The following ALK variants were observed in gnomAD, a reference collection of about 807,000 sequenced individuals.
ALK encodes ALK tyrosine kinase receptor.
Under a neutral mutation model 163.1 loss-of-function variants are expected in ALK, and 74 were observed. The observed-to-expected ratio is 0.45, with a 90% CI of 0.38 to 0.55. ALK has a LOEUF of 0.55. Among genes scored for constraint, ALK ranks in the 20% least tolerant of loss-of-function variants. The pLI is 0.00. For synonymous variants in ALK, 960 were observed against 843.2 expected, an observed-to-expected ratio of 1.14 and a Z score of -2.40; for missense variants, 2,063 against 2,105.3, an observed-to-expected ratio of 0.98 and a Z score of 0.39.
chr2:29,891,427 A>G (rs761567445), intron 1 of ALK, among the ~76,000 whole-genome samples: 19 of 152,196 alleles, frequency 1.2e-4, no homozygotes, highest in Non-Finnish European at 2.2e-4. Flanking sequence ...TTAAATAAGC[A>G]CAATGTTGAC....
chr2:29,750,700 GC>G (rs1463042507), intron 1 of ALK, among the ~76,000 whole-genome samples: 3 of 141,828 alleles, frequency 2.1e-5, no homozygotes, highest in East Asian at 4.2e-4. Flanking sequence ...AGGAAGGAAG[GC>G]AGGCAGGCAG....
intron 3 of ALK, among the ~76,000 whole-genome samples, chr2:29,649,125 A>C (rs4666265): frequency 1.3e-5 from 2 of 151,806 alleles, no homozygotes; most frequent in Admixed American, 6.6e-5. Context: ...TAATTATATG[A>C]TATTGTGTAT....
chr2:29,384,946 G>T (rs2148302624), intron 4 of ALK, among the ~76,000 whole-genome samples: 1 of 152,176 alleles, frequency 6.6e-6, no homozygotes, highest in South Asian at 2.1e-4. Flanking sequence ...AGCTACTAGG[G>T]AGGCTGAGGC....
intron 3 of ALK, among the ~76,000 whole-genome samples, chr2:29,675,566 G>A (rs763964464): frequency 4.6e-5 from 7 of 151,968 alleles, no homozygotes; most frequent in Non-Finnish European, 8.8e-5. Context: ...TGGCCCAGGG[G>A]AACATCTTTC....
intron 4 of ALK, among the ~76,000 whole-genome samples, chr2:29,497,570 C>T (rs768310294): frequency 1.4e-4 from 21 of 152,202 alleles, no homozygotes; most frequent in Non-Finnish European, 2.8e-4. Context: ...GACCCATGCT[C>T]TGTTGCTGCT....
At chr2:29,277,927 G>A (rs1298690383) in intron 9 of ALK, among the ~76,000 whole-genome samples, 4 of 152,194 alleles carry the variant, frequency 2.6e-5, no homozygotes, top group Non-Finnish European at 4.4e-5. Flanking sequence ...AAGAGAAATC[G>A]ACATGAACGC....
chr2:29,331,148 G>A (rs563759716), intron 5 of ALK, among the ~76,000 whole-genome samples: 5 of 152,160 alleles, frequency 3.3e-5, no homozygotes, highest in Non-Finnish European at 4.4e-5. Context: ...GTGGTCCCCT[G>A]GACTATTCAT....
chr2:29,587,521 G>A (rs1674922982), intron 3 of ALK, among the ~76,000 whole-genome samples: 1 of 152,114 alleles, frequency 6.6e-6, no homozygotes. Flanking sequence ...AAAGGTCCAG[G>A]CCCCTAAAAA....
chr2:29,270,677 A>G (rs76897964), intron 11 of ALK, among the ~76,000 whole-genome samples: 7,974 of 152,244 alleles, frequency 0.052, 249 homozygotes, highest in Middle Eastern at 0.078. Flanking sequence ...TTGAGGACAC[A>G]CTTGGAGAAA....
intron 3 of ALK, among the ~76,000 whole-genome samples, chr2:29,562,587 C>T (rs1674054991): frequency 6.6e-6 from 1 of 152,154 alleles, no homozygotes; most frequent in South Asian, 2.1e-4. Context: ...CACCACACTG[C>T]ATTGGCTCAA....
chr2:29,854,745 T>A (rs1414993663), intron 1 of ALK, among the ~76,000 whole-genome samples: 1 of 152,200 alleles, frequency 6.6e-6, no homozygotes, highest in African/African-American at 2.4e-5. Flanking sequence ...TATGGCCTTA[T>A]AATAAAGCCC....
intron 3 of ALK, among the ~76,000 whole-genome samples, chr2:29,557,163 G>A (rs1184242034): frequency 3.3e-5 from 5 of 152,078 alleles, no homozygotes. Context: ...AAAAGCAAAT[G>A]CAACAATTTT....
At chr2:29,265,477 T>G (rs2148208387) in intron 11 of ALK, among the ~76,000 whole-genome samples, 1 of 152,348 alleles carries the variant, frequency 6.6e-6, no homozygotes, top group African/African-American at 2.4e-5. Flanking sequence ...AATAGTCCTC[T>G]TTTCCAGGAA....
intron 1 of ALK, among the ~76,000 whole-genome samples, chr2:29,854,658 T>C (rs927637342): frequency 2.0e-5 from 3 of 152,268 alleles, no homozygotes; most frequent in Non-Finnish European, 2.9e-5. Context: ...TGTTGGACTT[T>C]AAGGTTGTTT....
intron 1 of ALK, among the ~76,000 whole-genome samples, chr2:29,823,176 T>A (rs79367537): frequency 6.6e-6 from 1 of 152,324 alleles, no homozygotes; most frequent in Admixed American, 6.5e-5. Context: ...CTGCCACCCA[T>A]GTAAGACATG....
chr2:29,772,299 C>T (rs1681050413), intron 1 of ALK, among the ~76,000 whole-genome samples: 1 of 152,006 alleles, frequency 6.6e-6, no homozygotes, highest in African/African-American at 2.4e-5. Context: ...AAAACAAAAA[C>T]AAAGCAAAAC....
At chr2:29,626,075 CT>C (rs1427478002) in intron 3 of ALK, among the ~76,000 whole-genome samples, 2 of 152,238 alleles carry the variant, frequency 1.3e-5, no homozygotes, top group African/African-American at 2.4e-5. Flanking sequence ...GCTCTAAGAA[CT>C]ACTGATGGTG....
At chr2:29,219,092 G>GT (rs1478254405) in intron 23 of ALK, among the ~76,000 whole-genome samples, 3 of 152,166 alleles carry the variant, frequency 2.0e-5, no homozygotes, top group Non-Finnish European at 4.4e-5. Context: ...CTGGGCCACC[G>GT]TTTTCTCATC....
chr2:29,552,724 T>G (rs956635558), intron 3 of ALK, among the ~76,000 whole-genome samples: 14 of 152,236 alleles, frequency 9.2e-5, no homozygotes, highest in African/African-American at 2.7e-4. Flanking sequence ...TGTCACTTCT[T>G]GAATTAGAAA....
Sources: gnomAD v4.1 joint callset for allele counts (sites outside exome capture counted in the v4.1 genomes callset) on GRCh38, gnomAD v4.1.1 for gene constraint, MANE v1.5 for transcripts, NCBI Gene and HGNC (gene_info 2026-07-23, HGNC 2026-07-21) for gene names.